The following HDAC6 variants were observed in gnomAD, a reference collection of about 807,000 sequenced individuals.
HDAC6 encodes the protein protein deacetylase HDAC6.
A neutral mutation model predicts 88.9 loss-of-function variants in HDAC6; 5 were observed. The observed-to-expected ratio is 0.06, with a 90% confidence interval of 0.03 to 0.12. The LOEUF is 0.12. Ranked by LOEUF, HDAC6 falls within the 10% of genes least tolerant of loss-of-function variation. The pLI, the probability that HDAC6 is intolerant of heterozygous loss-of-function variation, is 1.00. For synonymous variants in HDAC6, 378 were observed against 398.0 expected (o/e 0.95, Z 0.60); for missense variants, 706 against 1,014.4 (o/e 0.70, Z 4.13).
chrX:48,817,024 C>T lies in HDAC6; in HGVS notation c.1792-302C>T, dbSNP rs1027824295. 1.2e-5 allele frequency: 3 copies of T among 254,422 alleles called. No individual in the cohort carries two copies. In the Admixed American group the frequency reaches 1.9e-4, roughly 16 times the overall value. The allele number at this position is 254,422 out of a possible 1,213,427, so 21.0% of individuals were successfully genotyped here. ...CAGCACTTTGGGAGGCCGAGGTGGGCAGATCACGAGGTCAGGAGATCGAGA... is the reference window on the plus strand; with the variant it reads ...CAGCACTTTGGGAGGCCGAGGTGGGTAGATCACGAGGTCAGGAGATCGAGA... On this transcript the variant is annotated intron_variant, in intron 19 of 28. Transcript: ENST00000334136.
chrX:48,818,163 CAG>C lies in HDAC6; in HGVS notation c.1994+55_1995-55del, dbSNP rs1394209728. The C allele has an allele frequency of 5.1e-6, 6 of 1,168,882 alleles. No individual in the cohort carries two copies. In the African/African-American group the frequency reaches 5.3e-5, roughly 10 times the overall value. ...TGATCAGGGAGGCGGGTGAGCACCTCAGGGGTACTGGAGCCCCTAACCAGCCA... is the reference window on the plus strand; with the variant it reads ...TGATCAGGGAGGCGGGTGAGCACCTCGGGTACTGGAGCCCCTAACCAGCCA... On this transcript the variant is annotated intron_variant, in intron 21 of 28. Coordinates refer to ENST00000334136, the MANE Select transcript of HDAC6 (RefSeq NM_006044.4).
Position 48,806,306 on chromosome X carries a change from G to GT in HDAC6, c.438-61dup, listed in dbSNP as rs1278235028. Reference sequence around the variant, plus strand: ...GCCCTAATTTGACCAGGGGGTTGGTGTATGGACAGCTCAGTTGGGGAAGAG... The same window carrying GT: ...GCCCTAATTTGACCAGGGGGTTGGTGTTATGGACAGCTCAGTTGGGGAAGAG... On this transcript the variant is annotated intron_variant, in intron 6 of 28. Transcript: ENST00000334136. 8.3e-6 allele frequency: 6 copies of GT among 721,139 alleles called. No individual in the cohort carries two copies. In the African/African-American group the frequency reaches 1.3e-4, roughly 15 times the overall value. 59.4% of individuals were successfully genotyped at this position (721,139 alleles called of 1,213,427 possible).
chrX:48,804,924 G>A (rs1241120647), intron 4 of HDAC6, among the ~76,000 whole-genome samples: 1 of 109,237 alleles, frequency 9.2e-6, no homozygotes, highest in Non-Finnish European at 1.9e-5. Flanking sequence ...GGGGGTGGGG[G>A]GGCCAGCTAG....
intron 18 of HDAC6, 78 bp from the exon 19 acceptor site, chrX:48,816,387 C>A: frequency 8.9e-7 from 1 of 1,125,980 alleles, no homozygotes; most frequent in Non-Finnish European, 1.2e-6. Flanking sequence ...GGGCTGAAGT[C>A]CCTGTCTTAG....
In HDAC6 at chrX:48,818,262, C is replaced by T. The variant is rs782207450; in HGVS notation, c.2037C>T (p.Phe679=). 12 of 1,197,636 alleles carry T rather than the reference C, an allele frequency of 1.0e-5. No homozygotes were observed. In the South Asian group the frequency reaches 1.3e-4, roughly 13 times the overall value. The change falls in exon 22 of 29, where the codon TTC becomes TTT. Residue 679 remains phenylalanine, a synonymous_variant. Transcript: ENST00000334136. Reference sequence around the variant, plus strand: ...TGCACCGCTATGATCATGGCACCTTCTTCCCCATGGGGGATGAGGGTGCCA... The same window carrying T: ...TGCACCGCTATGATCATGGCACCTTTTTCCCCATGGGGGATGAGGGTGCCA... ...VSLHRYDHGT[F]FPMGDEGASS...
chrX:48,817,023 G>A, intron 19 of HDAC6: 1 of 257,271 alleles, frequency 3.9e-6, no homozygotes, highest in Non-Finnish European at 6.9e-6. Flanking sequence ...GCCGAGGTGG[G>A]CAGATCACGA....
At chrX:48,803,890 G>T (rs188029286) in intron 4 of HDAC6, among the ~76,000 whole-genome samples, 2 of 112,526 alleles carry the variant, frequency 1.8e-5, no homozygotes, top group African/African-American at 3.2e-5. Context: ...GGCCAGGCAT[G>T]GTGGCTCACG....
At chrX:48,811,444 T>C (rs2062900007) in intron 10 of HDAC6, among the ~76,000 whole-genome samples, 1 of 112,561 alleles carries the variant, frequency 8.9e-6, no homozygotes, top group South Asian at 3.6e-4. Context: ...TATTTGGCTA[T>C]TTATACCCAA....
chrX:48,816,922 C>G, intron 19 of HDAC6: 2 of 321,286 alleles, frequency 6.2e-6, no homozygotes, highest in Non-Finnish European at 1.1e-5. Flanking sequence ...CCACTGCACT[C>G]TAGCCTGGGC....
intron 23 of HDAC6, among the ~76,000 whole-genome samples, chrX:48,820,702 G>A (rs1557029469): frequency 8.9e-6 from 1 of 112,184 alleles, no homozygotes; most frequent in African/African-American, 3.2e-5. Flanking sequence ...GAAATTCACT[G>A]ACCTTTGTAA....
At chrX:48,806,099 G>A in intron 6 of HDAC6, 1 of 365,718 alleles carries the variant, frequency 2.7e-6, no homozygotes, top group Non-Finnish European at 4.8e-6. Flanking sequence ...AGATGAAGAG[G>A]GTGACTGAGG....
chrX:48,807,918 T>TAA (rs2062843256), intron 8 of HDAC6, 115 bp from the exon 9 acceptor site: 2 of 514,238 alleles, frequency 3.9e-6, no homozygotes, highest in Non-Finnish European at 6.7e-6. Flanking sequence ...GGCAGATTTT[T>TAA]AGGCATCAGC....
intron 1 of HDAC6, 136 bp from the exon 2 acceptor site, chrX:48,802,527 G>A: frequency 9.1e-7 from 1 of 1,103,280 alleles, no homozygotes; most frequent in Non-Finnish European, 1.2e-6. Context: ...GGCGGAGTTT[G>A]GAAGGCTGTG....
intron 22 of HDAC6, chrX:48,819,514 C>T (rs1463361984): frequency 3.5e-5 from 5 of 142,932 alleles, no homozygotes; most frequent in Non-Finnish European, 4.0e-5. Flanking sequence ...ACTCTCTTGA[C>T]GTGTCAGTCT....
Position 48,815,950 on chromosome X carries a change from G to T in HDAC6, c.1391G>T (p.Trp464Leu). 8.3e-7 allele frequency: 1 copy of T among 1,210,928 alleles called. No homozygotes were observed. Among genetic ancestry groups the T allele is most frequent in the Non-Finnish European group, 1.1e-6 (1 of 894,749 alleles). Residue 464 changes from tryptophan to leucine, a missense_variant, in exon 17 of 29, where the codon TGG becomes TTG. By Grantham distance (61) the Trp-to-Leu change is moderately conservative (BLOSUM62 -2). Transcript: ENST00000334136. ...GAGGAGAGCGAGGAGGAAGGACCCT[G>T]GGAGCCCCCTGTGCTCCCAATCCTG... Reference protein sequence around the residue: ...NVEESEEEGPWEPPVLPILTW... With the variant: ...NVEESEEEGPLEPPVLPILTW...
chrX:48,816,286 T>C lies in HDAC6; in HGVS notation c.1622+17T>C. ...CTGTCACAGGTCAGACCCCGGTGCC[T>C]GGGGTGGGTGGATTCCCAGGACTGT... is the stretch of plus-strand genomic sequence containing the variant. On this transcript the variant is annotated intron_variant, in intron 18 of 28. Coordinates refer to ENST00000334136, the MANE Select transcript of HDAC6 (RefSeq NM_006044.4). 8.3e-7 allele frequency: 1 copy of C among 1,198,999 alleles called. No individual in the cohort carries two copies. The highest frequency in any genetic ancestry group is 1.1e-6 in the Non-Finnish European group (1 of 887,831).
chrX:48,806,563 C>A (rs782448484), intron 7 of HDAC6, 46 bp from the exon 8 acceptor site: 2 of 1,082,761 alleles, frequency 1.8e-6, no homozygotes, highest in Admixed American at 4.4e-5. Flanking sequence ...GTGGATAGGG[C>A]TGTTCTCTCC....
Position 48,818,244 on chromosome X carries a change from C to T in HDAC6, c.2019C>T (p.Arg673=), listed in dbSNP as rs782495985. The change falls in exon 22 of 29, where the codon CGC becomes CGT. Residue 673 remains arginine, a synonymous_variant. Coordinates refer to ENST00000334136, the MANE Select transcript of HDAC6 (RefSeq NM_006044.4). ...DPSVLYVSLH[R]YDHGTFFPMG... ...GTGTGCTATATGTGTCCCTGCACCG[C>T]TATGATCATGGCACCTTCTTCCCCA... The T allele has an allele frequency of 3.4e-6, 4 of 1,190,641 alleles. No homozygotes were observed. In the African/African-American group the frequency reaches 5.3e-5, roughly 16 times the overall value.
At chrX:48,802,408 T>G (rs1302148115) in intron 1 of HDAC6, 1 of 941,222 alleles carries the variant, frequency 1.1e-6, no homozygotes, top group Non-Finnish European at 1.4e-6. Context: ...CATTGCTCCG[T>G]GAAAGGGCAA....
Sources: allele counts gnomAD v4.1 joint callset (sites outside exome capture counted in the v4.1 genomes callset), GRCh38; gene constraint gnomAD v4.1.1; transcripts MANE v1.5; gene names NCBI Gene and HGNC (gene_info 2026-07-23, HGNC 2026-07-21).